Variants in CLEC10A observed in about 807,000 individuals in gnomAD.
CLEC10A encodes C-type lectin domain containing 10A.
CLEC10A carries 38 observed loss-of-function variants against 42.0 expected under a neutral mutation model. The observed-to-expected ratio is 0.90, with a 90% confidence interval of 0.70 to 1.18. The LOEUF (loss-of-function observed/expected upper bound fraction) is 1.18. Among genes scored for constraint, CLEC10A ranks in the 50% most tolerant of loss-of-function variants. The pLI is 0.00. For synonymous variants in CLEC10A, 126 were observed against 139.9 expected (o/e 0.90, Z 0.70); for missense variants, 298 against 345.9 (o/e 0.86, Z 1.10).
chr17:7,078,625 G>A, intron 2 of CLEC10A, 121 bp downstream of exon 2: 1 of 924,996 alleles, frequency 1.1e-6, no homozygotes. Context: ...CAGAGGCTGG[G>A]GCCTGACCTC....
chr17:7,076,307 C>CTTTTTTTTTTTTT (rs1206807036), intron 5 of CLEC10A, among the ~76,000 whole-genome samples: 3 of 121,130 alleles, frequency 2.5e-5, no homozygotes, highest in East Asian at 2.4e-4. Context: ...TTCTTTCTTT[C>CTTTTTTTTTTTTT]TTTTTTTTTT....
intron 8 of CLEC10A, 21 bp from the exon 9 acceptor site, chr17:7,075,243 C>A: frequency 6.6e-7 from 1 of 1,520,256 alleles, no homozygotes; most frequent in Non-Finnish European, 8.8e-7. Context: ...AAGACAACAG[C>A]AAGCTAGGAA....
Position 7,078,130 on chromosome 17 carries a change from T to C in CLEC10A, c.68-17A>G. 4 of 1,583,794 alleles carry C rather than the reference T, an allele frequency of 2.5e-6. No individual in the cohort carries two copies. The highest frequency in any genetic ancestry group is 2.6e-6 in the Non-Finnish European group (3 of 1,155,796). ...GAAGTGGCCCTGCAAGAGGAGAGAGTGTCAGGATGAGGAGGGTCCAGACAC... is the reference window on the plus strand; with the variant it reads ...GAAGTGGCCCTGCAAGAGGAGAGAGCGTCAGGATGAGGAGGGTCCAGACAC... On this transcript the variant is annotated splice_polypyrimidine_tract_variant and intron_variant, in intron 2 of 8. Coordinates refer to ENST00000416562, the MANE Select transcript of CLEC10A (RefSeq NM_001330070.2).
intron 1 of CLEC10A, among the ~76,000 whole-genome samples, chr17:7,079,433 A>G (rs917249535): frequency 6.6e-6 from 1 of 152,000 alleles, no homozygotes; most frequent in African/African-American, 2.4e-5. Flanking sequence ...AAATACAAAA[A>G]TTAGCTGGGT....
rs2151683120 is a variant in CLEC10A at position 7,075,170 on chromosome 17, C to A, written c.754G>T (p.Gly252Cys). The A allele has an allele frequency of 6.3e-7, 1 of 1,597,370 alleles. No individual in the cohort carries two copies. The highest frequency in any genetic ancestry group is 1.1e-5 in the South Asian group (1 of 88,746). ...GGATGGAAGTGAGCACAGTCCTCGCCTCCACCCAGCCCGTGCCCCTGCCAG... is the reference window on the plus strand; with the variant it reads ...GGATGGAAGTGAGCACAGTCCTCGCATCCACCCAGCCCGTGCCCCTGCCAG... ...DDWQGHGLGG[G>C]EDCAHFHPDG... The change falls in exon 9 of 9, where the codon GGC becomes TGC. Residue 252 changes from glycine (G) to cysteine (C), a missense_variant. This residue lies in a region of CLEC10A where 267 missense variants were observed against 289.5 expected (regional missense o/e 0.92). Coordinates refer to ENST00000416562, the MANE Select transcript of CLEC10A (RefSeq NM_001330070.2).
At chr17:7,078,251 G>C in intron 2 of CLEC10A, 138 bp from the exon 3 acceptor site, 2 of 619,524 alleles carry the variant, frequency 3.2e-6, no homozygotes, top group Non-Finnish European at 5.7e-6. Flanking sequence ...AGGATTTTGG[G>C]GTGGGGGATG....
rs200254857 is a variant in CLEC10A at position 7,076,891 on chromosome 17, C to A, written c.280+1G>T. On this transcript the variant is annotated splice_donor_variant, in intron 4 of 8. Coordinates refer to ENST00000416562, the MANE Select transcript of CLEC10A (RefSeq NM_001330070.2). LOFTEE classifies it high-confidence loss of function. ...CAGAGCCCCATCCAAACCAGACTCA[C>A]CCTGGGAAGTCAGTGCCTGGATCTC... 3.2e-5 allele frequency: 52 copies of A among 1,613,862 alleles called. No individual in the cohort carries two copies. Among genetic ancestry groups the A allele is most frequent in the Non-Finnish European group, 4.3e-5 (51 of 1,179,946 alleles).
chr17:7,078,448 A>G, intron 2 of CLEC10A: 1 of 517,780 alleles, frequency 1.9e-6, no homozygotes, highest in Non-Finnish European at 3.5e-6. Context: ...CCTGCTGGAC[A>G]ATCAGGTTCA....
chr17:7,075,917 G>A (rs1597357840), intron 6 of CLEC10A, 32 bp from the exon 7 acceptor site: 2 of 1,611,348 alleles, frequency 1.2e-6, no homozygotes, highest in Non-Finnish European at 1.7e-6. Context: ...AGGGTGGAGA[G>A]GCTGAGGCTC....
chr17:7,078,620 G>T (rs1241657713), intron 2 of CLEC10A, 126 bp downstream of exon 2: 14 of 879,494 alleles, frequency 1.6e-5, no homozygotes, highest in Non-Finnish European at 2.5e-5. Context: ...CCCGTCAGAG[G>T]CTGGGGCCTG....
At position 7,080,154 on chromosome 17, in the gene CLEC10A, G is replaced by A. The variant is rs538266659; in HGVS notation, c.-176C>T. 2.0e-5 allele frequency: 3 copies of A among 152,466 alleles called. No individual in the cohort carries two copies. In the East Asian group the frequency reaches 5.8e-4, roughly 29 times the overall value. 9.4% of individuals were successfully genotyped at this position (152,466 alleles called of 1,614,324 possible). ...GGAGCGCTGTGTCCTGGAGAGCTGG[G>A]GTAGAGGTGACTGGAGTCCTGCTGG... On this transcript the variant is annotated 5_prime_UTR_variant, in exon 1 of 9. Transcript: ENST00000416562.
At chr17:7,079,498 A>C (rs949253333) in intron 1 of CLEC10A, among the ~76,000 whole-genome samples, 7 of 151,694 alleles carry the variant, frequency 4.6e-5, no homozygotes, top group Non-Finnish European at 1.0e-4. Flanking sequence ...CAGGAGAATC[A>C]CTTGAACCCA....
intron 2 of CLEC10A, chr17:7,078,452 A>G: frequency 1.9e-6 from 1 of 518,586 alleles, no homozygotes; most frequent in Non-Finnish European, 3.5e-6. Context: ...CTGGACAATC[A>G]GGTTCACAAA....
At chr17:7,075,572 G>A in intron 7 of CLEC10A, 106 bp from the exon 8 acceptor site, 5 of 1,409,146 alleles carry the variant, frequency 3.5e-6, no homozygotes, top group Non-Finnish European at 5.0e-6. Context: ...GGAGTTTGGA[G>A]ATGTTTCTCT....
Position 7,077,706 on chromosome 17 carries a change from C to CT in CLEC10A, c.184+290_184+291insA, listed in dbSNP as rs5819136. Among the ~76,000 whole-genome samples, 247 of 55,062 alleles carry CT rather than the reference C, an allele frequency of 4.5e-3. 3 individuals carry two copies. The highest frequency in any genetic ancestry group is 7.1e-3 in the Admixed American group (46 of 6,480). The allele number at this position is 55,062 out of a possible 152,430, so 36.1% of individuals were successfully genotyped here. On this transcript the variant is annotated intron_variant, in intron 3 of 8. Transcript: ENST00000416562. ...CCCATCAATCACTCCATCAGTGCCC[C>CT]CCTACCGTTACCATCAATCACTCCA...
At chr17:7,077,083 C>T (rs1296822060) in intron 3 of CLEC10A, 96 bp from the exon 4 acceptor site, 1 of 833,634 alleles carries the variant, frequency 1.2e-6, no homozygotes, top group Non-Finnish European at 2.1e-6. Context: ...TTATTGGGTC[C>T]TCACGGCAAC....
intron 1 of CLEC10A, among the ~76,000 whole-genome samples, chr17:7,079,206 C>G (rs1207132931): frequency 6.6e-6 from 1 of 152,098 alleles, no homozygotes; most frequent in Non-Finnish European, 1.5e-5. Flanking sequence ...AATTTGGAAA[C>G]AGAATAGAGT....
intron 1 of CLEC10A, 40 bp downstream of exon 1, chr17:7,080,012 C>T (rs150102632): frequency 1.3e-5 from 2 of 152,436 alleles, no homozygotes; most frequent in East Asian, 3.9e-4. Flanking sequence ...TCTGACATCC[C>T]CTGTCCCCTG....
In CLEC10A at chr17:7,076,923, A is replaced by C. The variant is rs1245578219; in HGVS notation, c.249T>G (p.Thr83=). ...RTDFSNFTSN[T]VAEIQALTSQ... ...AAGTCAGTGCCTGGATCTCCGCCAC[A>C]GTGTTTGAGGTGAAGTTGCTAAAAT... The change falls in exon 4 of 9, where the codon ACT becomes ACG. Residue 83 remains threonine, a synonymous_variant. Transcript: ENST00000416562. 1 of 1,613,776 alleles carries C rather than the reference A, an allele frequency of 6.2e-7. No individual in the cohort carries two copies. Among genetic ancestry groups the C allele is most frequent in the East Asian group, 2.2e-5 (1 of 44,876 alleles).
Sources: gnomAD v4.1 joint callset for allele counts (sites outside exome capture counted in the v4.1 genomes callset) on GRCh38, gnomAD v4.1.1 for gene constraint, gnomAD v4.1.1 regional missense constraint, MANE v1.5 for transcripts, NCBI Gene and HGNC (gene_info 2026-07-23, HGNC 2026-07-21) for gene names.